Variants in SLC37A3 observed in about 807,000 individuals in gnomAD.
The protein encoded by SLC37A3 is solute carrier family 37 member 3.
In SLC37A3, 51 loss-of-function variants were observed where a neutral mutation model predicts 67.1. The ratio of observed to expected loss-of-function variants is 0.76; its 90% confidence interval spans 0.61 to 0.96. The LOEUF is 0.96. Among genes scored for constraint, SLC37A3 ranks in the 40% least tolerant of loss-of-function variants. SLC37A3 has a pLI of 0.00. For synonymous variants in SLC37A3, 214 were observed against 231.4 expected, an observed-to-expected ratio of 0.92 and a Z score of 0.68; for missense variants, 508 against 603.0, an observed-to-expected ratio of 0.84 and a Z score of 1.65.
intron 1 of SLC37A3, among the ~76,000 whole-genome samples, chr7:140,394,861 C>T (rs898705254): frequency 2.0e-5 from 3 of 151,092 alleles, no homozygotes; most frequent in Non-Finnish European, 4.4e-5. Flanking sequence ...CCTGCCTCAG[C>T]CTCCCAAAGT....
chr7:140,378,670 G>A (rs1364222012), intron 3 of SLC37A3, among the ~76,000 whole-genome samples: 1 of 150,962 alleles, frequency 6.6e-6, no homozygotes, highest in Non-Finnish European at 1.5e-5. Context: ...CCGGGAGGCG[G>A]ATGTTGCAGT....
chr7:140,345,067 C>A, intron 12 of SLC37A3, 149 bp downstream of exon 12: 3 of 651,178 alleles, frequency 4.6e-6, no homozygotes, highest in Non-Finnish European at 7.9e-6. Flanking sequence ...GAAAAAGAAT[C>A]TGGAAAAGGA....
intron 1 of SLC37A3, among the ~76,000 whole-genome samples, 191 bp from the exon 2 acceptor site, chr7:140,382,787 AT>A (rs1238723171): frequency 2.0e-5 from 3 of 151,494 alleles, no homozygotes; most frequent in African/African-American, 7.3e-5. Flanking sequence ...AAAAAAAAAA[AT>A]CCTGGACAAA....
chr7:140,380,504 G>C, intron 2 of SLC37A3, 114 bp from the exon 3 acceptor site: 1 of 706,056 alleles, frequency 1.4e-6, no homozygotes, highest in Non-Finnish European at 2.3e-6. Context: ...TATTTGGTGG[G>C]CAGCCACCTG....
intron 5 of SLC37A3, among the ~76,000 whole-genome samples, chr7:140,362,452 G>A (rs1437704375): frequency 7.4e-6 from 1 of 134,502 alleles, no homozygotes; most frequent in African/African-American, 2.8e-5. Context: ...CCGGCCAGCC[G>A]CCCCGTCTGG....
chr7:140,368,436 G>A (rs1291234250), intron 4 of SLC37A3, among the ~76,000 whole-genome samples: 2 of 152,044 alleles, frequency 1.3e-5, no homozygotes, highest in Admixed American at 6.6e-5. Flanking sequence ...GCGTGGTGGC[G>A]CATGCCTGCA....
Position 140,382,431 on chromosome 7 carries a change from T to G in SLC37A3, c.89+7A>C, listed in dbSNP as rs781508242. Reference sequence around the variant, plus strand: ...AAGCAGGAGAGCAGCTTTGGCAACATGCTTACCTGAAGAAAGTGAGCAGGA... The same window carrying G: ...AAGCAGGAGAGCAGCTTTGGCAACAGGCTTACCTGAAGAAAGTGAGCAGGA... On this transcript the variant is annotated splice_region_variant and intron_variant, in intron 2 of 14. Coordinates refer to ENST00000326232, the MANE Select transcript of SLC37A3 (RefSeq NM_207113.3). 1.4e-5 allele frequency: 22 copies of G among 1,612,972 alleles called. No homozygotes were observed. Among genetic ancestry groups the G allele is most frequent in the Admixed American group, 3.3e-5 (2 of 59,902 alleles).
chr7:140,342,184 AG>A (rs1290861643), intron 13 of SLC37A3, among the ~76,000 whole-genome samples: 1 of 152,228 alleles, frequency 6.6e-6, no homozygotes, highest in South Asian at 2.1e-4. Context: ...AAATACGGCT[AG>A]GTAGTCAAAG....
chr7:140,398,440 C>T lies in SLC37A3; in HGVS notation c.-95G>A, dbSNP rs1015263332. On this transcript the variant is annotated 5_prime_UTR_variant, in exon 1 of 15. Transcript: ENST00000326232. ...CCCGAGATCCGCAGTGGTCGCCGCT[C>T]TCCAGCCCCGGCTCCGCTCGCCGGG... 6.6e-6 allele frequency: 1 copy of T among 152,424 alleles called. No individual in the cohort carries two copies. Among genetic ancestry groups the T allele is most frequent in the Non-Finnish European group, 1.5e-5 (1 of 68,224 alleles). 9.4% of individuals were successfully genotyped at this position (152,424 alleles called of 1,614,324 possible).
intron 1 of SLC37A3, among the ~76,000 whole-genome samples, 175 bp from the exon 2 acceptor site, chr7:140,382,771 TAA>T (rs201844351): frequency 6.6e-5 from 9 of 136,780 alleles, no homozygotes; most frequent in African/African-American, 1.3e-4. Context: ...AGGTAGTTCT[TAA>T]AAAAAAAAAA....
At chr7:140,336,223 G>T (rs1042048221) in intron 14 of SLC37A3, among the ~76,000 whole-genome samples, 1 of 152,162 alleles carries the variant, frequency 6.6e-6, no homozygotes, top group Non-Finnish European at 1.5e-5. Flanking sequence ...ACCAGCCTGG[G>T]CAACATGGTG....
At chr7:140,369,041 A>G (rs773433741) in intron 4 of SLC37A3, among the ~76,000 whole-genome samples, 2 of 152,126 alleles carry the variant, frequency 1.3e-5, no homozygotes, top group African/African-American at 4.8e-5. Context: ...TCAAGGTTAA[A>G]GCCAAAGCCG....
intron 12 of SLC37A3, chr7:140,343,965 C>T (rs1455385362): frequency 1.7e-5 from 4 of 240,906 alleles, no homozygotes; most frequent in Admixed American, 5.4e-5. Context: ...AGGAAAAAGC[C>T]ACTGCAATGG....
chr7:140,358,642 G>A lies in SLC37A3; in HGVS notation c.519C>T (p.Ala173=), dbSNP rs1012250044. 4.5e-5 allele frequency: 73 copies of A among 1,613,922 alleles called. No homozygotes were observed. Among genetic ancestry groups the A allele is most frequent in the Middle Eastern group, 1.6e-4 (1 of 6,084 alleles). The change falls in exon 6 of 15, where the codon GCC becomes GCT. Residue 173 remains alanine, a splice_region_variant and synonymous_variant. Coordinates refer to ENST00000326232, the MANE Select transcript of SLC37A3 (RefSeq NM_207113.3). ...VAVMGNWFGK[A]GRGVVFGLWS... is the part of the protein sequence containing the mutation. ...TAGAGAGGAAGGAAGTGGCATACCC[G>A]GCTTTCCCAAACCAGTTGCCCATAA...
At chr7:140,369,552 T>G (rs1797736827) in intron 4 of SLC37A3, 38 bp downstream of exon 4, 2 of 1,565,576 alleles carry the variant, frequency 1.3e-6, no homozygotes, top group African/African-American at 1.4e-5. Context: ...ATATTTACAT[T>G]TTTCTTTAGC....
chr7:140,398,450 G>A lies in SLC37A3; in HGVS notation c.-105C>T, dbSNP rs1222822574. ...GCAGTGGTCGCCGCTCTCCAGCCCC[G>A]GCTCCGCTCGCCGGGTCAGCTTGGC... On this transcript the variant is annotated 5_prime_UTR_variant, in exon 1 of 15. Coordinates refer to ENST00000326232, the MANE Select transcript of SLC37A3 (RefSeq NM_207113.3). The A allele has an allele frequency of 6.6e-6, 1 of 151,788 alleles. No homozygotes were observed. Among genetic ancestry groups the A allele is most frequent in the Non-Finnish European group, 1.5e-5 (1 of 68,074 alleles). 9.4% of individuals were successfully genotyped at this position (151,788 alleles called of 1,614,324 possible). A position where few individuals can be genotyped will look rare whatever the true frequency, so the allele number is the denominator to read the frequency against.
chr7:140,351,126 G>T, intron 9 of SLC37A3, 147 bp downstream of exon 9: 3 of 701,482 alleles, frequency 4.3e-6, no homozygotes, highest in Non-Finnish European at 6.7e-6. Context: ...AAGCTGAGGG[G>T]CACTAGACAA....
chr7:140,394,634 G>C (rs1798847280), intron 1 of SLC37A3, among the ~76,000 whole-genome samples: 1 of 145,126 alleles, frequency 6.9e-6, no homozygotes, highest in African/African-American at 2.5e-5. Flanking sequence ...AAAAAAACAG[G>C]GTCTCGCTCT....
chr7:140,351,372 G>C lies in SLC37A3; in HGVS notation c.783C>G (p.Asp261Glu). The change falls in exon 9 of 15, where the codon GAC becomes GAG. Residue 261 changes from aspartate (D) to glutamate (E), a missense_variant. Asp to Glu is a conservative substitution (Grantham distance 45). Transcript: ENST00000326232. ...GGATTGAATAATTCGGCTCATATTC[G>C]TCTTCATTTTCACCACCATTAATTA... ...RPLINGGENE[D>E]EYEPNYSIQD... is the part of the protein sequence containing the mutation. The C allele has an allele frequency of 1.2e-6, 2 of 1,614,064 alleles. No homozygotes were observed. Among genetic ancestry groups the C allele is most frequent in the Non-Finnish European group, 1.7e-6 (2 of 1,180,026 alleles).
Sources: allele counts gnomAD v4.1 joint callset (sites outside exome capture counted in the v4.1 genomes callset), GRCh38; gene constraint gnomAD v4.1.1; transcripts MANE v1.5; gene names NCBI Gene and HGNC (gene_info 2026-07-23, HGNC 2026-07-21).